PELI2: variants seen among roughly 807,000 people sequenced by gnomAD.
PELI2 encodes E3 ubiquitin-protein ligase pellino homolog 2.
PELI2 carries 23 observed loss-of-function variants against 42.3 expected under a neutral mutation model. The ratio of observed to expected loss-of-function variants is 0.54; its 90% confidence interval spans 0.39 to 0.77. PELI2 has a LOEUF of 0.77. PELI2 is among the 30% of genes least tolerant of loss of function. PELI2 has a pLI of 0.00. For missense variants in PELI2, 463 were observed against 553.2 expected (o/e 0.84, Z 1.64); for synonymous variants, 245 against 212.2 (o/e 1.15, Z -1.34).
intron 5 of PELI2, among the ~76,000 whole-genome samples, chr14:56,294,322 C>T (rs1388907795): frequency 6.6e-6 from 1 of 152,128 alleles, no homozygotes; most frequent in Non-Finnish European, 1.5e-5. Flanking sequence ...GTTGCTCTTG[C>T]ACCTGCCTGT....
intron 1 of PELI2, among the ~76,000 whole-genome samples, chr14:56,163,783 C>T (rs1352015080): frequency 1.3e-5 from 2 of 151,890 alleles, no homozygotes; most frequent in Non-Finnish European, 2.9e-5. Context: ...TCACTTGACT[C>T]GTTAATTCCT....
intron 1 of PELI2, chr14:56,119,292 A>T (rs1225108198): frequency 6.6e-6 from 1 of 151,640 alleles, no homozygotes; most frequent in Admixed American, 6.6e-5. Flanking sequence ...GCGCTTTGCA[A>T]ATTGTTCCGA....
intron 1 of PELI2, among the ~76,000 whole-genome samples, chr14:56,176,576 T>C (rs1294485081): frequency 1.3e-5 from 2 of 152,224 alleles, no homozygotes; most frequent in African/African-American, 4.8e-5. Flanking sequence ...CTGGAGAGCC[T>C]GCGTTCCATG....
intron 1 of PELI2, among the ~76,000 whole-genome samples, chr14:56,123,599 C>G (rs1883141392): frequency 6.6e-6 from 1 of 152,096 alleles, no homozygotes; most frequent in Non-Finnish European, 1.5e-5. Context: ...GGTTTCTGGT[C>G]TGGCTTTCTC....
At chr14:56,227,023 G>T (rs973191308) in intron 2 of PELI2, among the ~76,000 whole-genome samples, 1 of 152,224 alleles carries the variant, frequency 6.6e-6, no homozygotes, top group Non-Finnish European at 1.5e-5. Flanking sequence ...TTAAATGTCT[G>T]TGGCAATTTT....
At chr14:56,258,274 A>G (rs1487737685) in intron 2 of PELI2, among the ~76,000 whole-genome samples, 2 of 152,158 alleles carry the variant, frequency 1.3e-5, no homozygotes, top group Non-Finnish European at 2.9e-5. Flanking sequence ...AACACTCTTA[A>G]CAAAATCAAG....
chr14:56,234,954 G>A (rs1018716818), intron 2 of PELI2, among the ~76,000 whole-genome samples: 3 of 152,104 alleles, frequency 2.0e-5, no homozygotes, highest in Non-Finnish European at 4.4e-5. Context: ...TAGGAAGTTG[G>A]ATCTTCCCAA....
intron 2 of PELI2, among the ~76,000 whole-genome samples, chr14:56,202,997 CA>C (rs11315135): frequency 0.41 from 61,207 of 150,560 alleles, 13,049 homozygotes; most frequent in South Asian, 0.53. Context: ...CTGAATTTTT[CA>C]AAAAAAAATG....
At chr14:56,218,889 T>C (rs1221206886) in intron 2 of PELI2, among the ~76,000 whole-genome samples, 1 of 152,192 alleles carries the variant, frequency 6.6e-6, no homozygotes, top group Admixed American at 6.5e-5. Flanking sequence ...TTAAATGCGA[T>C]GGGAGTTGAG....
At chr14:56,278,100 A>G (rs984823793) in intron 2 of PELI2, among the ~76,000 whole-genome samples, 1 of 152,242 alleles carries the variant, frequency 6.6e-6, no homozygotes, top group Admixed American at 6.5e-5. Context: ...TTTAAAATGC[A>G]ATAGATACTT....
intron 2 of PELI2, among the ~76,000 whole-genome samples, chr14:56,265,351 A>C (rs933421769): frequency 6.6e-6 from 1 of 152,112 alleles, no homozygotes; most frequent in African/African-American, 2.4e-5. Context: ...GTTTTTGACA[A>C]AGATGCAAAG....
Position 56,297,239 on chromosome 14 carries a change from C to T in PELI2, c.*73C>T, listed in dbSNP as rs1220115974. On this transcript the variant is annotated 3_prime_UTR_variant, in exon 6 of 6. Coordinates refer to ENST00000267460, the MANE Select transcript of PELI2 (RefSeq NM_021255.3). The stretch of plus-strand genomic sequence containing the variant: ...TTTTGCCACTAACTCTAGATTTTAC[C>T]TTTTTGTAATGCTGTTTATCAGAGG... 2.0e-6 allele frequency: 2 copies of T among 1,016,858 alleles called. No individual in the cohort carries two copies. Among genetic ancestry groups the T allele is most frequent in the African/African-American group, 1.6e-5 (1 of 62,132 alleles). The allele number at this position is 1,016,858 out of a possible 1,614,324, so 63.0% of individuals were successfully genotyped here.
In PELI2 at chr14:56,288,863, A is replaced by T. The variant is rs934692255; in HGVS notation, c.507+229A>T. ...TTATATTGTAATATTTACAGTAAGT[A>T]CTTTTTTTAAAGTATGCCTATAACA... On this transcript the variant is annotated intron_variant, in intron 4 of 5. Transcript: ENST00000267460. The surrounding 1 kb of genome is among the most constrained non-coding windows in gnomAD (Gnocchi z 4.6). Among the ~76,000 whole-genome samples, 1 of 152,214 alleles carries T rather than the reference A, an allele frequency of 6.6e-6. No individual in the cohort carries two copies. Among genetic ancestry groups the T allele is most frequent in the African/African-American group, 2.4e-5 (1 of 41,460 alleles).
At chr14:56,154,210 G>C (rs924162475) in intron 1 of PELI2, among the ~76,000 whole-genome samples, 1 of 151,970 alleles carries the variant, frequency 6.6e-6, no homozygotes, top group African/African-American at 2.4e-5. Flanking sequence ...TGTATATTTT[G>C]GTTTACATAA....
At chr14:56,267,276 C>G (rs1888941187) in intron 2 of PELI2, among the ~76,000 whole-genome samples, 1 of 152,032 alleles carries the variant, frequency 6.6e-6, no homozygotes, top group African/African-American at 2.4e-5. Context: ...GTGTACTGTC[C>G]TTTGGGTACT....
At chr14:56,231,345 C>G (rs1396577324) in intron 2 of PELI2, among the ~76,000 whole-genome samples, 4 of 152,108 alleles carry the variant, frequency 2.6e-5, no homozygotes, top group Non-Finnish European at 5.9e-5. Flanking sequence ...CAAAACTGAC[C>G]ACATAGCTGG....
intron 2 of PELI2, among the ~76,000 whole-genome samples, chr14:56,254,228 G>A (rs1226746384): frequency 3.9e-5 from 6 of 152,038 alleles, no homozygotes; most frequent in East Asian, 1.9e-4. Flanking sequence ...GTGAAACCCC[G>A]TCTCTACCAA....
intron 3 of PELI2, among the ~76,000 whole-genome samples, chr14:56,281,460 T>C (rs2139877436): frequency 6.6e-6 from 1 of 152,236 alleles, no homozygotes; most frequent in South Asian, 2.1e-4. Context: ...TAGAAAGAAA[T>C]GCACCAGCTC....
At chr14:56,269,170 A>G (rs1242120834) in intron 2 of PELI2, among the ~76,000 whole-genome samples, 2 of 152,160 alleles carry the variant, frequency 1.3e-5, no homozygotes, top group African/African-American at 2.4e-5. Context: ...GTTAGGTGCA[A>G]TGGCTCACAC....
Sources: allele counts gnomAD v4.1 joint callset (sites outside exome capture counted in the v4.1 genomes callset), GRCh38; gene constraint gnomAD v4.1.1; non-coding constraint Gnocchi (gnomAD v3.1); transcripts MANE v1.5; gene names NCBI Gene and HGNC (gene_info 2026-07-23, HGNC 2026-07-21).